MYOF: variants seen among roughly 807,000 people sequenced by gnomAD.
MYOF encodes myoferlin.
MYOF carries 244 observed loss-of-function variants against 284.2 expected under a neutral mutation model. The ratio of observed to expected loss-of-function variants is 0.86; its 90% CI spans 0.77 to 0.95. The LOEUF (loss-of-function observed/expected upper bound fraction) is 0.95. Among genes scored for constraint, MYOF ranks in the 40% least tolerant of loss-of-function variants. The pLI, the probability that MYOF is intolerant of heterozygous loss-of-function variation, is 0.00. For missense variants in MYOF, 2,496 were observed against 2,560.6 expected (o/e 0.97, Z 0.54); for synonymous variants, 904 against 919.7 (o/e 0.98, Z 0.31).
At chr10:93,463,089 C>A (rs773625584) in intron 1 of MYOF, among the ~76,000 whole-genome samples, 13 of 152,164 alleles carry the variant, frequency 8.5e-5, no homozygotes, top group Non-Finnish European at 1.9e-4. Context: ...ATTAGCTACG[C>A]CTGCCTCTCA....
Position 93,323,309 on chromosome 10 carries a change from G to C in MYOF, c.5321C>G (p.Pro1774Arg), listed in dbSNP as rs759926060. The part of the protein sequence containing the change: ...VDVFPKSLGP[P>R]GPPFNITPRK... ...GGGTGTGATGTTGAAAGGAGGGCCT[G>C]GTGGCCCCAAACTCTTGGGGAAAAC... Residue 1774 changes from proline (P) to arginine (R), a missense_variant, in exon 47 of 54, where the codon CCA becomes CGA. Transcript: ENST00000359263. 1.9e-6 allele frequency: 3 copies of C among 1,614,022 alleles called. No homozygotes were observed. Among genetic ancestry groups the C allele is most frequent in the South Asian group, 2.2e-5 (2 of 91,074 alleles).
intron 1 of MYOF, among the ~76,000 whole-genome samples, chr10:93,471,951 A>G (rs908738870): frequency 5.9e-5 from 9 of 151,692 alleles, no homozygotes; most frequent in African/African-American, 1.9e-4. Context: ...CAGAGGACCA[A>G]GGCTATTTCC....
intron 1 of MYOF, among the ~76,000 whole-genome samples, chr10:93,481,110 T>G (rs2057376115): frequency 6.6e-6 from 1 of 152,206 alleles, no homozygotes; most frequent in Non-Finnish European, 1.5e-5. Flanking sequence ...TAGCCAAAAC[T>G]AAGTCACTTA....
rs190866947 is a variant in MYOF at position 93,417,044 on chromosome 10, G to A, written c.434-7305C>T. Among the ~76,000 whole-genome samples the A allele has an allele frequency of 2.0e-4, 31 of 152,350 alleles. No homozygotes were observed. In the East Asian group the frequency reaches 5.8e-3, roughly 28 times the overall value. ...ATGCCTACTGTCACACAGCTTGATA[G>A]TGGAGCCAATGCTCAAATCCAGATC... On this transcript the variant is annotated intron_variant, in intron 5 of 53. Coordinates refer to ENST00000359263, the MANE Select transcript of MYOF (RefSeq NM_013451.4).
intron 16 of MYOF, among the ~76,000 whole-genome samples, chr10:93,393,412 G>A (rs989884029): frequency 2.0e-5 from 3 of 152,134 alleles, no homozygotes; most frequent in Non-Finnish European, 4.4e-5. Flanking sequence ...CTTTGTCGGG[G>A]GGAGGGCGAT....
chr10:93,412,932 G>A (rs746227841), intron 5 of MYOF, among the ~76,000 whole-genome samples: 51 of 152,236 alleles, frequency 3.4e-4, no homozygotes, highest in Non-Finnish European at 4.7e-4. Flanking sequence ...GTCCTGGACC[G>A]AGCAATGGCT....
rs760781908 is a variant in MYOF, at chr10:93,373,100, T to G, written c.2302-15A>C. The G allele has an allele frequency of 1.2e-6, 2 of 1,614,068 alleles. No individual in the cohort carries two copies. The highest frequency in any genetic ancestry group is 2.2e-5 in the East Asian group (1 of 44,882). On this transcript the variant is annotated splice_polypyrimidine_tract_variant and intron_variant, in intron 23 of 53. Transcript: ENST00000359263. ...CTGTTCTGTGGCTGGTCATGAGGAT[T>G]GGATGGAAGAGGAAGCACAGCCATG...
At chr10:93,400,040 T>C (rs1847199773) in intron 12 of MYOF, among the ~76,000 whole-genome samples, 1 of 151,924 alleles carries the variant, frequency 6.6e-6, no homozygotes, top group Non-Finnish European at 1.5e-5. Flanking sequence ...CAAAATAAAA[T>C]AAAATAAAAC....
chr10:93,316,370 G>C (rs1842611649), intron 50 of MYOF, among the ~76,000 whole-genome samples: 1 of 152,108 alleles, frequency 6.6e-6, no homozygotes, highest in Non-Finnish European at 1.5e-5. Context: ...TTGGGAACAG[G>C]TTGAGGAGGG....
chr10:93,459,707 G>A (rs147149305), intron 1 of MYOF, among the ~76,000 whole-genome samples: 5 of 152,316 alleles, frequency 3.3e-5, no homozygotes, highest in South Asian at 2.1e-4. Context: ...TTATGGTTGC[G>A]TTCCAGGGTA....
Position 93,452,097 on chromosome 10 carries a change from A to C in MYOF, c.189T>G (p.Ser63=). The C allele has an allele frequency of 6.2e-7, 1 of 1,613,550 alleles. No individual in the cohort carries two copies. The highest frequency in any genetic ancestry group is 8.5e-7 in the Non-Finnish European group (1 of 1,179,876). The change falls in exon 3 of 54, where the codon TCT becomes TCG. Residue 63 remains serine, a synonymous_variant. Transcript: ENST00000359263. ...DLRGIPLDFS[S]SLGIIVKDFE... is the part of the protein sequence containing the mutation. ...AATCTTTCACAATAATCCCAAGGGA[A>C]GATGAAAAGTCCAGTGGTATACCCC... is the stretch of plus-strand genomic sequence containing the variant.
At chr10:93,451,388 C>T (rs774624199) in intron 3 of MYOF, among the ~76,000 whole-genome samples, 6 of 152,078 alleles carry the variant, frequency 3.9e-5, no homozygotes, top group Non-Finnish European at 7.4e-5. Context: ...TGGTAACATA[C>T]GACTGGGTCT....
At chr10:93,408,693 G>T (rs1847748784) in intron 7 of MYOF, 94 bp downstream of exon 7, 2 of 1,521,838 alleles carry the variant, frequency 1.3e-6, no homozygotes, top group Non-Finnish European at 1.8e-6. Context: ...ATCTCTACTT[G>T]GAACTCAGTG....
chr10:93,328,924 T>G lies in MYOF; in HGVS notation c.4983-13A>C, dbSNP rs757904025. ...ATTGACTCCAGAACTGTGAATAGCATCACGTGGCTCGGAGTTACGGAGGAG... is the reference window on the plus strand; with the variant it reads ...ATTGACTCCAGAACTGTGAATAGCAGCACGTGGCTCGGAGTTACGGAGGAG... On this transcript the variant is annotated splice_polypyrimidine_tract_variant and intron_variant, in intron 44 of 53. Transcript: ENST00000359263. 2 of 1,585,254 alleles carry G rather than the reference T, an allele frequency of 1.3e-6. No individual in the cohort carries two copies. The highest frequency in any genetic ancestry group is 1.1e-5 in the South Asian group (1 of 88,914).
intron 1 of MYOF, among the ~76,000 whole-genome samples, chr10:93,470,575 T>C (rs900134927): frequency 6.6e-6 from 1 of 152,078 alleles, no homozygotes; most frequent in Non-Finnish European, 1.5e-5. Context: ...CTAATTTTTG[T>C]ATTTTTAGCA....
intron 18 of MYOF, 122 bp from the exon 19 acceptor site, chr10:93,388,035 T>C: frequency 1.4e-6 from 1 of 735,170 alleles, no homozygotes; most frequent in Non-Finnish European, 2.4e-6. Flanking sequence ...ACCTTCGAAA[T>C]GAATCAGTCG....
chr10:93,338,391 A>T, intron 39 of MYOF: 1 of 456,668 alleles, frequency 2.2e-6, no homozygotes, highest in South Asian at 1.5e-5. Context: ...CCTTTATGTT[A>T]TAAGCCATAC....
At chr10:93,331,488 T>G (rs7084226) in intron 43 of MYOF, among the ~76,000 whole-genome samples, 3,166 of 152,260 alleles carry the variant, frequency 0.021, 122 homozygotes, top group African/African-American at 0.069. Flanking sequence ...GACGAGCAAT[T>G]CAGACAGGGT....
chr10:93,454,108 G>C lies in MYOF; in HGVS notation c.145-1967C>G, dbSNP rs141228001. 6.2e-3 allele frequency among the ~76,000 whole-genome samples: 939 copies of C among 152,264 alleles called. 5 individuals are homozygous for C. The highest frequency in any genetic ancestry group is 0.01 in the Non-Finnish European group (711 of 68,018). On this transcript the variant is annotated intron_variant, in intron 2 of 53. Coordinates refer to ENST00000359263, the MANE Select transcript of MYOF (RefSeq NM_013451.4). ...GAGGAAGGAGAATCACTTGAACCCAGGAGGCGGAAGTTGCAGTGAGCCGAG... is the reference window on the plus strand; with the variant it reads ...GAGGAAGGAGAATCACTTGAACCCACGAGGCGGAAGTTGCAGTGAGCCGAG...
Sources: gnomAD v4.1 joint callset for allele counts (sites outside exome capture counted in the v4.1 genomes callset) on GRCh38, gnomAD v4.1.1 for gene constraint, MANE v1.5 for transcripts, NCBI Gene and HGNC (gene_info 2026-07-23, HGNC 2026-07-21) for gene names.